Variants in CATSPERB observed in about 807,000 individuals in gnomAD.
CATSPERB encodes cation channel sperm-associated auxiliary subunit beta.
CATSPERB carries 93 observed loss-of-function variants against 128.3 expected under a neutral mutation model. The observed-to-expected ratio is 0.72, with a 90% confidence interval of 0.61 to 0.86. The LOEUF (loss-of-function observed/expected upper bound fraction) is 0.86. Ranked by LOEUF, CATSPERB falls within the 40% of genes least tolerant of loss-of-function variation. The pLI is 0.00. For synonymous variants in CATSPERB, 381 were observed against 448.8 expected (o/e 0.85, Z 1.91); for missense variants, 1,153 against 1,329.5 (o/e 0.87, Z 2.06).
intron 22 of CATSPERB, among the ~76,000 whole-genome samples, chr14:91,600,301 A>T (rs1300206081): frequency 1.3e-5 from 2 of 152,214 alleles, no homozygotes; most frequent in African/African-American, 4.8e-5. Context: ...CAATTATTAT[A>T]GCTATTCTAA....
At chr14:91,714,421 G>C (rs528970249) in intron 5 of CATSPERB, among the ~76,000 whole-genome samples, 7 of 151,896 alleles carry the variant, frequency 4.6e-5, no homozygotes, top group Non-Finnish European at 1.0e-4. Context: ...GAACCAATAA[G>C]TGAATTTAAC....
intron 9 of CATSPERB, 61 bp from the exon 10 acceptor site, chr14:91,691,616 G>T: frequency 1.6e-6 from 2 of 1,268,398 alleles, no homozygotes; most frequent in South Asian, 1.3e-5. Flanking sequence ...ACAAAACATA[G>T]CAATTTAAAT....
chr14:91,592,188 C>A, intron 22 of CATSPERB, 186 bp from the exon 23 acceptor site: 1 of 589,598 alleles, frequency 1.7e-6, no homozygotes, highest in Admixed American at 3.1e-5. Flanking sequence ...TAGTTGCCCC[C>A]TTGCTTGGTA....
chr14:91,596,942 A>G (rs951814275), intron 22 of CATSPERB, among the ~76,000 whole-genome samples: 7 of 151,440 alleles, frequency 4.6e-5, no homozygotes, highest in Non-Finnish European at 1.0e-4. Context: ...GCTGGAGTGC[A>G]GTGACGCCAT....
chr14:91,635,131 CT>C (rs1894349061), intron 17 of CATSPERB, among the ~76,000 whole-genome samples: 1 of 151,944 alleles, frequency 6.6e-6, no homozygotes, highest in Admixed American at 6.6e-5. Context: ...TCTGGGGTCT[CT>C]TTCATAAGGA....
chr14:91,591,277 A>T (rs879846693), intron 23 of CATSPERB, among the ~76,000 whole-genome samples: 6 of 151,086 alleles, frequency 4.0e-5, no homozygotes, highest in Admixed American at 1.3e-4. Context: ...CTGGTTTCGA[A>T]CTCCTGACCT....
intron 5 of CATSPERB, among the ~76,000 whole-genome samples, chr14:91,717,112 C>T (rs1895956967): frequency 6.6e-6 from 1 of 152,124 alleles, no homozygotes; most frequent in Admixed American, 6.6e-5. Context: ...GTGAAAGAAG[C>T]CAGACTCAAA....
chr14:91,663,998 A>G (rs1297564449), intron 14 of CATSPERB, among the ~76,000 whole-genome samples: 1 of 152,168 alleles, frequency 6.6e-6, no homozygotes, highest in Non-Finnish European at 1.5e-5. Flanking sequence ...TTAGTCTTAT[A>G]CATCCTATGG....
chr14:91,649,938 A>G (rs7145747), intron 15 of CATSPERB, among the ~76,000 whole-genome samples: 44,775 of 151,906 alleles, frequency 0.29, 6,722 homozygotes, highest in Middle Eastern at 0.34. Context: ...GCTTTTTCTT[A>G]TGCTCCCGTG....
chr14:91,621,227 C>T (rs901596278), intron 19 of CATSPERB, among the ~76,000 whole-genome samples: 1 of 151,994 alleles, frequency 6.6e-6, no homozygotes, highest in Non-Finnish European at 1.5e-5. Flanking sequence ...CATGGCAAAA[C>T]CCTGTCTCTA....
At chr14:91,725,541 A>T (rs1322087389) in intron 2 of CATSPERB, among the ~76,000 whole-genome samples, 1 of 152,190 alleles carries the variant, frequency 6.6e-6, no homozygotes, top group African/African-American at 2.4e-5. Flanking sequence ...CTGAATGAAG[A>T]TGTTAGGAGA....
chr14:91,617,946 C>T (rs1316858268), intron 19 of CATSPERB, among the ~76,000 whole-genome samples: 1 of 152,100 alleles, frequency 6.6e-6, no homozygotes, highest in Admixed American at 6.5e-5. Flanking sequence ...AGAGAGGGTT[C>T]TTGAATCTCA....
chr14:91,654,362 C>G (rs1388298711), intron 15 of CATSPERB, among the ~76,000 whole-genome samples: 1 of 152,152 alleles, frequency 6.6e-6, no homozygotes, highest in Non-Finnish European at 1.5e-5. Flanking sequence ...TGCCCTGGGC[C>G]AGAGTGGGGC....
chr14:91,619,903 G>C (rs1403140542), intron 19 of CATSPERB, among the ~76,000 whole-genome samples: 1 of 112,142 alleles, frequency 8.9e-6, no homozygotes, highest in African/African-American at 3.6e-5. Context: ...GTGTGTGTGT[G>C]TGTGTGTGTT....
At position 91,589,559 on chromosome 14, in the gene CATSPERB, C is replaced by T. The variant is rs1186836253; in HGVS notation, c.2931G>A (p.Val977=). Residue 977 remains valine (V), a synonymous_variant, in exon 24 of 27, where the codon GTG becomes GTA. Coordinates refer to ENST00000256343, the MANE Select transcript of CATSPERB (RefSeq NM_024764.4). ...QSPYLVTVTE[V]NMRHNWKLKH... is the part of the protein sequence containing the mutation. ...TCAGTTTCCAGTTGTGCCTCATGTT[C>T]ACTTCAGTCACAGTAACCAGATATG... The T allele has an allele frequency of 6.2e-7, 1 of 1,613,328 alleles. No homozygotes were observed. The highest frequency in any genetic ancestry group is 2.2e-5 in the East Asian group (1 of 44,858).
chr14:91,592,091 T>A (rs1893416667), intron 22 of CATSPERB, 89 bp from the exon 23 acceptor site: 1 of 833,014 alleles, frequency 1.2e-6, no homozygotes, highest in Non-Finnish European at 2.0e-6. Flanking sequence ...ATTTATTCCC[T>A]GAAGAAGTGG....
At chr14:91,660,285 C>T (rs1395099667) in intron 14 of CATSPERB, among the ~76,000 whole-genome samples, 1 of 152,134 alleles carries the variant, frequency 6.6e-6, no homozygotes, top group African/African-American at 2.4e-5. Flanking sequence ...CTATGATCTC[C>T]CAAATAATTC....
At chr14:91,589,453 C>T (rs1893358283) in intron 24 of CATSPERB, 81 bp downstream of exon 24, 3 of 1,393,424 alleles carry the variant, frequency 2.2e-6, no homozygotes, top group South Asian at 3.2e-5. Context: ...TGTGAACAGG[C>T]TTTGAAAACC....
chr14:91,625,559 C>T (rs1566708898), intron 17 of CATSPERB, among the ~76,000 whole-genome samples: 2 of 152,164 alleles, frequency 1.3e-5, no homozygotes, highest in South Asian at 2.1e-4. Flanking sequence ...GAGTTTTTAA[C>T]AGTGTAGGGA....
Sources: allele counts gnomAD v4.1 joint callset (sites outside exome capture counted in the v4.1 genomes callset), GRCh38; gene constraint gnomAD v4.1.1; transcripts MANE v1.5; gene names NCBI Gene and HGNC (gene_info 2026-07-23, HGNC 2026-07-21).